Variants in ITGA11 observed in about 807,000 individuals in gnomAD.
ITGA11 encodes integrin subunit alpha 11, also known as integrin alpha-11.
In ITGA11, 97 loss-of-function variants were observed where a neutral mutation model predicts 141.9. The ratio of observed to expected loss-of-function variants is 0.68; its 90% CI spans 0.58 to 0.81. The LOEUF is 0.81. Among genes scored for constraint, ITGA11 ranks in the 30% least tolerant of loss-of-function variants. The probability of loss-of-function intolerance (pLI) is 0.00; values close to 1 mark genes in which losing one functional copy is unlikely to be tolerated. For synonymous variants in ITGA11, 658 were observed against 624.6 expected (o/e 1.05, Z -0.80); for missense variants, 1,387 against 1,559.2 (o/e 0.89, Z 1.86).
chr15:68,390,639 A>G (rs1032686062), intron 2 of ITGA11, among the ~76,000 whole-genome samples: 1 of 152,214 alleles, frequency 6.6e-6, no homozygotes, highest in African/African-American at 2.4e-5. Context: ...CAGAGGCAGG[A>G]AGAGCCTGGG....
intron 1 of ITGA11, among the ~76,000 whole-genome samples, chr15:68,431,107 C>A (rs1212363552): frequency 6.6e-6 from 1 of 152,244 alleles, no homozygotes; most frequent in Admixed American, 6.5e-5. Flanking sequence ...GCATCACTGG[C>A]AGCCGCCCCG....
chr15:68,388,453 G>A (rs1308139670), intron 2 of ITGA11, among the ~76,000 whole-genome samples: 1 of 151,670 alleles, frequency 6.6e-6, no homozygotes, highest in Admixed American at 6.6e-5. Context: ...CTGTTCCCAA[G>A]CCCACTTACC....
At chr15:68,400,595 T>A (rs1265888170) in intron 2 of ITGA11, among the ~76,000 whole-genome samples, 16 of 104,268 alleles carry the variant, frequency 1.5e-4, no homozygotes, top group African/African-American at 6.0e-4. Flanking sequence ...TTTTATATAT[T>A]ATATATTATA....
intron 1 of ITGA11, among the ~76,000 whole-genome samples, chr15:68,424,131 T>C (rs1007923793): frequency 1.1e-4 from 16 of 152,230 alleles, no homozygotes; most frequent in South Asian, 4.1e-4. Flanking sequence ...AGCTTATGCC[T>C]TGTAGGGGAC....
chr15:68,339,424 G>A lies in ITGA11; in HGVS notation c.1276+76C>T. 3 of 1,498,524 alleles carry A rather than the reference G, an allele frequency of 2.0e-6. No homozygotes were observed. In the South Asian group the frequency reaches 3.6e-5, roughly 18 times the overall value. The allele number at this position is 1,498,524 out of a possible 1,614,324, so 92.8% of individuals were successfully genotyped here. ...CACAGCAGGCCCCTCACTCGTGTGT[G>A]GGCTGGGGGTTGTGCAGCCCCTGGG... On this transcript the variant is annotated intron_variant, in intron 11 of 29. Coordinates refer to ENST00000315757, the MANE Select transcript of ITGA11 (RefSeq NM_001004439.2).
chr15:68,311,381 G>T lies in ITGA11; in HGVS notation c.2996C>A (p.Pro999His). ...IFRIQNLGLF[P>H]IHGMMMKITI... is the part of the protein sequence containing the mutation. ...GATCTTCATCATCATCCCGTGGATG[G>T]GGAACAAGCCCAAGTTCTGGATCTG... Residue 999 changes from proline to histidine, a missense_variant, in exon 25 of 30, where the codon CCC becomes CAC. Coordinates refer to ENST00000315757, the MANE Select transcript of ITGA11 (RefSeq NM_001004439.2). 1.3e-6 allele frequency: 2 copies of T among 1,566,808 alleles called. No individual in the cohort carries two copies. The highest frequency in any genetic ancestry group is 2.4e-5 in the East Asian group (1 of 42,438).
intron 7 of ITGA11, among the ~76,000 whole-genome samples, chr15:68,354,961 G>A (rs1895025625): frequency 6.6e-6 from 1 of 152,226 alleles, no homozygotes; most frequent in Non-Finnish European, 1.5e-5. Context: ...TTGGAAGTTT[G>A]GGAAGATCAG....
intron 2 of ITGA11, among the ~76,000 whole-genome samples, chr15:68,373,087 C>T (rs749343810): frequency 1.2e-4 from 19 of 152,020 alleles, no homozygotes; most frequent in Non-Finnish European, 2.1e-4. Flanking sequence ...CAGCATAGTC[C>T]CTGTGGTGTG....
chr15:68,343,375 A>G (rs1224511480), intron 10 of ITGA11, among the ~76,000 whole-genome samples: 1 of 152,182 alleles, frequency 6.6e-6, no homozygotes, highest in East Asian at 1.9e-4. Flanking sequence ...TTTATTAGTA[A>G]GTCTCAAAAC....
In ITGA11 at chr15:68,357,237, A is replaced by C. The variant is rs1895099426; in HGVS notation, c.663T>G (p.Ser221=). ...TGGCAGCTTCCACCACATCTTTTAC[A>C]GACCTGTAGTCGTTGAGGTGAAACT... ...VHEFHLNDYR[S]VKDVVEAASH... The change falls in exon 7 of 30, where the codon TCT becomes TCG. Residue 221 remains serine, a synonymous_variant. Coordinates refer to ENST00000315757, the MANE Select transcript of ITGA11 (RefSeq NM_001004439.2). The C allele has an allele frequency of 1.2e-6, 2 of 1,613,890 alleles. No individual in the cohort carries two copies. Among genetic ancestry groups the C allele is most frequent in the Middle Eastern group, 3.3e-4 (2 of 6,062 alleles).
At chr15:68,339,762 G>A in intron 10 of ITGA11, 118 bp from the exon 11 acceptor site, 2 of 1,170,988 alleles carry the variant, frequency 1.7e-6, no homozygotes, top group South Asian at 1.5e-5. Flanking sequence ...CCTTCTCCTG[G>A]GTGCATTATT....
intron 5 of ITGA11, among the ~76,000 whole-genome samples, chr15:68,360,729 T>C (rs907616711): frequency 6.6e-6 from 1 of 152,220 alleles, no homozygotes; most frequent in South Asian, 2.1e-4. Context: ...GGCCTCCTCC[T>C]GTGCCCTGGC....
At position 68,380,211 on chromosome 15, in the gene ITGA11, C is replaced by T. The variant is rs115226285; in HGVS notation, c.165-10927G>A. ...CTACCAGCCACAGGGATTTGGGTAA[C>T]GCAGAAAAAGGAGATGGCCTGGAGG... On this transcript the variant is annotated intron_variant, in intron 2 of 29. Coordinates refer to ENST00000315757, the MANE Select transcript of ITGA11 (RefSeq NM_001004439.2). 5.3e-3 allele frequency among the ~76,000 whole-genome samples: 812 copies of T among 152,196 alleles called. 9 individuals carry two copies. Among genetic ancestry groups the T allele is most frequent in the African/African-American group, 0.019 (784 of 41,506 alleles).
At chr15:68,327,013 A>G (rs900312292) in intron 16 of ITGA11, among the ~76,000 whole-genome samples, 1 of 152,156 alleles carries the variant, frequency 6.6e-6, no homozygotes, top group Non-Finnish European at 1.5e-5. Flanking sequence ...AAGAGGGTGG[A>G]GAAAGAGCAG....
At chr15:68,314,820 C>T (rs182859570) in intron 22 of ITGA11, among the ~76,000 whole-genome samples, 1 of 152,260 alleles carries the variant, frequency 6.6e-6, no homozygotes, top group East Asian at 1.9e-4. Context: ...TATGAGTCCC[C>T]AGCGCTTATG....
At chr15:68,414,320 G>A (rs1007231901) in intron 1 of ITGA11, among the ~76,000 whole-genome samples, 2 of 152,116 alleles carry the variant, frequency 1.3e-5, no homozygotes, top group South Asian at 2.1e-4. Context: ...CTGGGGGGAC[G>A]GGGCTGGAGG....
intron 2 of ITGA11, among the ~76,000 whole-genome samples, chr15:68,401,908 C>G (rs769151424): frequency 3.9e-5 from 6 of 152,136 alleles, no homozygotes; most frequent in African/African-American, 1.4e-4. Flanking sequence ...AGAGAATTAG[C>G]CAGATGGTGG....
Position 68,335,327 on chromosome 15 carries a change from G to A in ITGA11, c.1425+370C>T, listed in dbSNP as rs1324129990. Among the ~76,000 whole-genome samples, 1 of 152,164 alleles carries A rather than the reference G, an allele frequency of 6.6e-6. No individual in the cohort carries two copies. Among genetic ancestry groups the A allele is most frequent in the Admixed American group, 6.5e-5 (1 of 15,286 alleles). ...GTGCTGGAAGTGACTTGGGATTGGA[G>A]CCCTGTTTTCACCACCAATGACTCT... On this transcript the variant is annotated intron_variant, in intron 12 of 29. Coordinates refer to ENST00000315757, the MANE Select transcript of ITGA11 (RefSeq NM_001004439.2). This position sits in a 1 kb window ranked among gnomAD's most constrained non-coding sequence, Gnocchi z 4.9.
intron 2 of ITGA11, among the ~76,000 whole-genome samples, chr15:68,378,426 A>C (rs113178882): frequency 6.6e-6 from 1 of 152,234 alleles, no homozygotes; most frequent in East Asian, 1.9e-4. Context: ...AGGAGCATCA[A>C]TTGAGACCAG....
Sources: gnomAD v4.1 joint callset for allele counts (sites outside exome capture counted in the v4.1 genomes callset) on GRCh38, gnomAD v4.1.1 for gene constraint, Gnocchi (gnomAD v3.1) non-coding constraint, MANE v1.5 for transcripts, NCBI Gene and HGNC (gene_info 2026-07-23, HGNC 2026-07-21) for gene names.